Variants in HMCN2 observed in about 807,000 individuals in gnomAD.
HMCN2 encodes hemicentin-2.
In HMCN2, 325 loss-of-function variants were observed where a neutral mutation model predicts 377.5. The observed-to-expected ratio is 0.86, with a 90% CI of 0.79 to 0.94. The LOEUF is 0.94. HMCN2 is among the 40% of genes least tolerant of loss of function. The pLI is 0.00. For synonymous variants in HMCN2, 2,007 were observed against 2,046.8 expected (o/e 0.98, Z 0.53); for missense variants, 4,543 against 4,725.3 (o/e 0.96, Z 1.13).
rs898502655 is a variant in HMCN2 at position 130,348,532 on chromosome 9, C to T, written c.4025-13C>T. ...GGCAGGGAAGCAGCTCCTCGGCTCT[C>T]CTTGCCCCCAAGTGCCCCCCAGCAT... On this transcript the variant is annotated splice_polypyrimidine_tract_variant and intron_variant, in intron 26 of 97. Coordinates refer to ENST00000683500, the MANE Select transcript of HMCN2 (RefSeq NM_001291815.2). 2.3e-6 allele frequency: 3 copies of T among 1,303,326 alleles called. No homozygotes were observed. The African/African-American group carries it at 4.6e-5, about 20-fold the overall frequency. 80.7% of individuals were successfully genotyped at this position (1,303,326 alleles called of 1,614,324 possible). A position where few individuals can be genotyped will look rare whatever the true frequency, so the allele number is the denominator to read the frequency against.
Position 130,414,129 on chromosome 9 carries a change from T to C in HMCN2, c.12961+3477T>C, listed in dbSNP as rs142049231. Reference sequence around the variant, plus strand: ...AGCCTCTAACTTCCACCCTCGCCCCTGTACCGAGGCACTGCTCTCCCCACA... The same window carrying C: ...AGCCTCTAACTTCCACCCTCGCCCCCGTACCGAGGCACTGCTCTCCCCACA... On this transcript the variant is annotated intron_variant, in intron 85 of 97. Transcript: ENST00000683500. The surrounding 1 kb of genome is among the most constrained non-coding windows in gnomAD (Gnocchi z 4.4). Among the ~76,000 whole-genome samples the C allele has an allele frequency of 0.01, 1,568 of 152,234 alleles. 27 individuals are homozygous for C. The highest frequency in any genetic ancestry group is 0.03 in the African/African-American group (1,248 of 41,544).
rs1175469663 is a variant in HMCN2 at position 130,410,677 on chromosome 9, G to T, written c.12961+25G>T. 1.2e-5 allele frequency: 18 copies of T among 1,547,272 alleles called. No homozygotes were observed. The South Asian group carries it at 1.9e-4, about 16-fold the overall frequency. ...AGTGAGTCTCGGCCTCAGCAGAGTG[G>T]GGACGTGGGAAGTGTGCTCGGGGAC... On this transcript the variant is annotated intron_variant, in intron 85 of 97. Coordinates refer to ENST00000683500, the MANE Select transcript of HMCN2 (RefSeq NM_001291815.2).
At chr9:130,287,002 C>T (rs1835448881) in intron 4 of HMCN2, among the ~76,000 whole-genome samples, 2 of 152,180 alleles carry the variant, frequency 1.3e-5, no homozygotes, top group South Asian at 4.1e-4. Context: ...CAGGGGCCAG[C>T]TGGGAAATGA....
At chr9:130,431,576 C>T (rs1844763075) in intron 96 of HMCN2, 90 bp downstream of exon 96, 1 of 1,473,378 alleles carries the variant, frequency 6.8e-7, no homozygotes, top group South Asian at 1.3e-5. Flanking sequence ...CTACTCCGTT[C>T]ACTCCAGCCC....
intron 43 of HMCN2, among the ~76,000 whole-genome samples, chr9:130,366,984 C>A (rs1376667007): frequency 6.6e-6 from 1 of 151,916 alleles, no homozygotes; most frequent in African/African-American, 2.4e-5. Context: ...AGTTGGGTGG[C>A]CAGGAATGCT....
At chr9:130,427,865 T>C (rs1026263371) in intron 92 of HMCN2, among the ~76,000 whole-genome samples, 7 of 152,164 alleles carry the variant, frequency 4.6e-5, no homozygotes, top group African/African-American at 1.7e-4. Context: ...CAGAGACATA[T>C]GGGCGGCTAC....
intron 82 of HMCN2, 70 bp downstream of exon 82, chr9:130,406,238 G>C (rs990523026): frequency 8.2e-7 from 1 of 1,216,440 alleles, no homozygotes; most frequent in African/African-American, 1.6e-5. Context: ...GAGGGCAGGT[G>C]GGGAGACCCA....
Position 130,361,356 on chromosome 9 carries a change from G to C in HMCN2, c.5951-652G>C, listed in dbSNP as rs1228151578. Reference sequence around the variant, plus strand: ...CTTGGATACCTACACTGAGGTCTCTGCCAAGGCCTGAGGTTATGAAGATCT... The same window carrying C: ...CTTGGATACCTACACTGAGGTCTCTCCCAAGGCCTGAGGTTATGAAGATCT... On this transcript the variant is annotated intron_variant, in intron 38 of 97. Coordinates refer to ENST00000683500, the MANE Select transcript of HMCN2 (RefSeq NM_001291815.2). The surrounding 1 kb of genome is among the most constrained non-coding windows in gnomAD (Gnocchi z 4.8). Among the ~76,000 whole-genome samples, 1 of 152,226 alleles carries C rather than the reference G, an allele frequency of 6.6e-6. No homozygotes were observed. Among genetic ancestry groups the C allele is most frequent in the Non-Finnish European group, 1.5e-5 (1 of 68,038 alleles).
chr9:130,305,654 G>A (rs1836808687), intron 11 of HMCN2, among the ~76,000 whole-genome samples: 1 of 152,214 alleles, frequency 6.6e-6, no homozygotes, highest in African/African-American at 2.4e-5. Flanking sequence ...GGCTGTGGTT[G>A]CTGTTTCTGG....
chr9:130,355,985 T>A lies in HMCN2; in HGVS notation c.5256-103T>A, dbSNP rs1840005271. The A allele has an allele frequency of 3.3e-6, 3 of 920,750 alleles. No individual in the cohort carries two copies. In the Admixed American group the frequency reaches 8.8e-5, roughly 27 times the overall value. 57.0% of individuals were successfully genotyped at this position (920,750 alleles called of 1,614,324 possible). ...TAGGAAAGAGGCCTGGAGCCACGGC[T>A]GGTGAGAGCAGGTGGGAGGAACTTC... On this transcript the variant is annotated intron_variant, in intron 33 of 97. Coordinates refer to ENST00000683500, the MANE Select transcript of HMCN2 (RefSeq NM_001291815.2).
chr9:130,388,234 T>C (rs1842121429), intron 61 of HMCN2, among the ~76,000 whole-genome samples, 175 bp from the exon 62 acceptor site: 1 of 152,220 alleles, frequency 6.6e-6, no homozygotes, highest in Non-Finnish European at 1.5e-5. Context: ...GCTGGAGCTT[T>C]GCTTTGTATG....
chr9:130,357,014 A>G (rs1245333064), intron 34 of HMCN2, among the ~76,000 whole-genome samples: 1 of 150,506 alleles, frequency 6.6e-6, no homozygotes, highest in Non-Finnish European at 1.5e-5. Flanking sequence ...AGATGGAAGC[A>G]TGGGTGGATA....
rs1286825382 is a variant in HMCN2 at position 130,393,337 on chromosome 9, G to A, written c.10234+28G>A. On this transcript the variant is annotated intron_variant, in intron 67 of 97. Coordinates refer to ENST00000683500, the MANE Select transcript of HMCN2 (RefSeq NM_001291815.2). The surrounding 1 kb of genome is among the most constrained non-coding windows in gnomAD (Gnocchi z 5.2). Reference sequence around the variant, plus strand: ...ATGGAGCAGGGGGTGGGGCAAGGGGGTCTCTGGCCTTGGTGGGTGAGAATC... The same window carrying A: ...ATGGAGCAGGGGGTGGGGCAAGGGGATCTCTGGCCTTGGTGGGTGAGAATC... The A allele has an allele frequency of 2.0e-6, 2 of 989,018 alleles. No homozygotes were observed. Among genetic ancestry groups the A allele is most frequent in the Non-Finnish European group, 2.4e-6 (2 of 829,992 alleles). The allele number at this position is 989,018 out of a possible 1,614,324, so 61.3% of individuals were successfully genotyped here. A position where few individuals can be genotyped will look rare whatever the true frequency, so the allele number is the denominator to read the frequency against.
intron 31 of HMCN2, among the ~76,000 whole-genome samples, chr9:130,353,956 T>C (rs1564808137): frequency 6.6e-6 from 1 of 152,112 alleles, no homozygotes; most frequent in Non-Finnish European, 1.5e-5. Context: ...TGCAAAGGGC[T>C]TGGGTACTGG....
chr9:130,280,347 A>AT, intron 1 of HMCN2, among the ~76,000 whole-genome samples: 1 of 129,190 alleles, frequency 7.7e-6, no homozygotes, highest in South Asian at 2.5e-4. Flanking sequence ...TTTTTTTTGT[A>AT]TTTTTTAGTA....
At chr9:130,407,769 T>C (rs1843180565) in intron 83 of HMCN2, 64 bp downstream of exon 83, 1 of 1,136,852 alleles carries the variant, frequency 8.8e-7, no homozygotes, top group Non-Finnish European at 1.1e-6. Context: ...CCCAATCTAT[T>C]GGTTTCCTAA....
rs941567569 is a variant in HMCN2 at position 130,347,971 on chromosome 9, G to C, written c.4025-574G>C. 5.1e-6 allele frequency: 5 copies of C among 985,108 alleles called. No homozygotes were observed. The Admixed American group carries it at 2.5e-4, about 48-fold the overall frequency. 61.0% of individuals were successfully genotyped at this position (985,108 alleles called of 1,614,324 possible). A position where few individuals can be genotyped will look rare whatever the true frequency, so the allele number is the denominator to read the frequency against. ...CTTCTCACATTCTTGTCCTCAGCAG[G>C]GAGAGCGCCCACCCCCACATCCAGG... On this transcript the variant is annotated intron_variant, in intron 26 of 97. Coordinates refer to ENST00000683500, the MANE Select transcript of HMCN2 (RefSeq NM_001291815.2). The surrounding 1 kb of genome is among the most constrained non-coding windows in gnomAD (Gnocchi z 5.1).
rs947486429 is a variant in HMCN2, at chr9:130,428,815, C to G, written c.14197+326C>G. ...TCTGCTGCCATCCGTTCTGTTCCCC[C>G]ATATGAATCAAGGCCCAGCTAGAGA... On this transcript the variant is annotated intron_variant, in intron 93 of 97. Transcript: ENST00000683500. The surrounding 1 kb of genome is among the most constrained non-coding windows in gnomAD (Gnocchi z 5.0). Among the ~76,000 whole-genome samples, 6 of 152,216 alleles carry G rather than the reference C, an allele frequency of 3.9e-5. No homozygotes were observed. Among genetic ancestry groups the G allele is most frequent in the Non-Finnish European group, 5.9e-5 (4 of 68,028 alleles).
rs1167317943 is a variant in HMCN2, at chr9:130,395,030, A to G, written c.10696A>G (p.Arg3566Gly). Residue 3566 changes from arginine to glycine, a missense_variant, in exon 70 of 98, where the codon AGG becomes GGG. Arg to Gly is a moderately radical substitution (Grantham distance 125). This residue lies in a region of HMCN2 where 1,073 missense variants were observed against 1,319.5 expected (regional missense o/e 0.81). Coordinates refer to ENST00000683500, the MANE Select transcript of HMCN2 (RefSeq NM_001291815.2). ...GCTCAACCCGCTCCATCCCCAGGTT[A>G]GGGATGCTGGGCTGTACACTTGTCT... The part of the protein sequence containing the change: ...RVLRVENVQV[R>G]DAGLYTCLAE... 7.8e-7 allele frequency: 1 copy of G among 1,279,672 alleles called. No individual in the cohort carries two copies. The highest frequency in any genetic ancestry group is 5.7e-5 in the East Asian group (1 of 17,498). The allele number at this position is 1,279,672 out of a possible 1,614,324, so 79.3% of individuals were successfully genotyped here.
Sources: allele counts gnomAD v4.1 joint callset (sites outside exome capture counted in the v4.1 genomes callset), GRCh38; gene constraint gnomAD v4.1.1; regional missense constraint gnomAD v4.1.1; non-coding constraint Gnocchi (gnomAD v3.1); transcripts MANE v1.5; gene names NCBI Gene and HGNC (gene_info 2026-07-23, HGNC 2026-07-21).